Variants in PSMD1 observed in about 807,000 individuals in gnomAD.
PSMD1 encodes proteasome 26S subunit, non-ATPase 1, also known as 26S proteasome non-ATPase regulatory subunit 1.
A neutral mutation model predicts 119.0 loss-of-function variants in PSMD1; 18 were observed. That is an observed-to-expected ratio of 0.15 (90% CI 0.10 to 0.22). The LOEUF (loss-of-function observed/expected upper bound fraction) is 0.22, where lower values mean the gene tolerates loss of function less well. Ranked by LOEUF, PSMD1 falls within the 10% of genes least tolerant of loss-of-function variation. PSMD1 has a pLI of 1.00. For missense variants in PSMD1, 702 were observed against 1,158.5 expected (o/e 0.61, Z 5.72); for synonymous variants, 374 against 396.6 (o/e 0.94, Z 0.68).
chr2:231,092,906 A>C (rs1037120404), intron 16 of PSMD1, among the ~76,000 whole-genome samples: 18 of 152,242 alleles, frequency 1.2e-4, no homozygotes, highest in African/African-American at 4.3e-4. Flanking sequence ...GAGTTTGGGC[A>C]GGTACACAGT....
chr2:231,106,417 A>C (rs1473678579), intron 16 of PSMD1, among the ~76,000 whole-genome samples: 1 of 152,146 alleles, frequency 6.6e-6, no homozygotes, highest in African/African-American at 2.4e-5. Context: ...CCAGGAGTGG[A>C]GACCAGGCTG....
chr2:231,141,995 G>A (rs568623230), intron 17 of PSMD1, among the ~76,000 whole-genome samples: 1 of 152,230 alleles, frequency 6.6e-6, no homozygotes, highest in Non-Finnish European at 1.5e-5. Flanking sequence ...CGATTCTCCT[G>A]CCTCAGCTTC....
intron 16 of PSMD1, chr2:231,114,046 C>T: frequency 1.3e-6 from 1 of 774,812 alleles, no homozygotes; most frequent in Admixed American, 2.0e-5. Context: ...AATTTTATAA[C>T]TTTAACAACA....
At chr2:231,130,413 A>G (rs1001021329) in intron 16 of PSMD1, among the ~76,000 whole-genome samples, 1 of 152,172 alleles carries the variant, frequency 6.6e-6, no homozygotes, top group African/African-American at 2.4e-5. Context: ...AATAAAGTCC[A>G]GTGTTTTTCC....
intron 17 of PSMD1, among the ~76,000 whole-genome samples, chr2:231,139,973 CAT>C (rs774266246): frequency 1.8e-4 from 28 of 152,194 alleles, no homozygotes; most frequent in Non-Finnish European, 3.4e-4. Context: ...TCTCATAGCA[CAT>C]ATGCACAAAC....
intron 1 of PSMD1, among the ~76,000 whole-genome samples, chr2:231,059,282 T>C (rs1461593646): frequency 6.6e-6 from 1 of 152,230 alleles, no homozygotes; most frequent in African/African-American, 2.4e-5. Context: ...TCCAAATCTT[T>C]TGTCACTTTG....
chr2:231,154,066 T>C (rs1696427712), intron 19 of PSMD1, among the ~76,000 whole-genome samples: 1 of 151,372 alleles, frequency 6.6e-6, no homozygotes, highest in African/African-American at 2.4e-5. Flanking sequence ...TGAGTCGAGA[T>C]CGCGCCATTG....
chr2:231,132,093 G>A (rs957024112), intron 16 of PSMD1, among the ~76,000 whole-genome samples: 10 of 152,076 alleles, frequency 6.6e-5, no homozygotes, highest in Non-Finnish European at 1.3e-4. Context: ...TATGTTCTCA[G>A]GCAAAATTTT....
chr2:231,161,390 A>G lies in PSMD1; in HGVS notation c.2269A>G (p.Met757Val). The change falls in exon 20 of 25, where the codon ATG becomes GTG. Residue 757 changes from methionine (M) to valine (V), a missense_variant. Physicochemically the swap from Met to Val is conservative, Grantham distance 21 (BLOSUM62 1). Around this residue, in one of 9 missense-constraint regions of PSMD1, gnomAD observed 152 missense variants for 239.3 expected, o/e 0.64. Coordinates refer to ENST00000308696, the MANE Select transcript of PSMD1 (RefSeq NM_002807.4). Reference protein sequence around the residue: ...SLQSRTGHTHMPSVVGVLVFT... With the variant: ...SLQSRTGHTHVPSVVGVLVFT... ...GCAGTCCAGGACTGGGCATACTCAT[A>G]TGCCTTCTGTGGTTGGCGTCCTTGT... is the stretch of plus-strand genomic sequence containing the variant. The G allele has an allele frequency of 6.2e-7, 1 of 1,613,890 alleles. No homozygotes were observed. Among genetic ancestry groups the G allele is most frequent in the African/African-American group, 1.3e-5 (1 of 75,020 alleles).
intron 17 of PSMD1, 141 bp downstream of exon 17, chr2:231,138,991 C>G: frequency 1.4e-6 from 1 of 730,656 alleles, no homozygotes; most frequent in Non-Finnish European, 2.5e-6. Flanking sequence ...CTTCCCAGTA[C>G]TCCCTCATTC....
rs554886742 is a variant in PSMD1, at chr2:231,115,463, A to G, written c.1884-23273A>G. Among the ~76,000 whole-genome samples the G allele has an allele frequency of 2.6e-3, 393 of 152,296 alleles. 2 individuals are homozygous for G. The highest frequency in any genetic ancestry group is 4.1e-3 in the Non-Finnish European group (281 of 68,000). ...AAAATCAGCACAAACTTTTACTCAG[A>G]AAGAATAAATGATTGGGACTTAGTT... On this transcript the variant is annotated intron_variant, in intron 16 of 24. Coordinates refer to ENST00000308696, the MANE Select transcript of PSMD1 (RefSeq NM_002807.4).
Position 231,078,887 on chromosome 2 carries a change from T to C in PSMD1, c.1160+140T>C, listed in dbSNP as rs1239959777. On this transcript the variant is annotated intron_variant, in intron 10 of 24. Transcript: ENST00000308696. The stretch of plus-strand genomic sequence containing the variant: ...TCGGCTCACTGCAACTTCCATCTCC[T>C]GGGTTCAGGCGATTCTCCTGCCTCA... The C allele has an allele frequency of 4.3e-5, 24 of 560,942 alleles. No homozygotes were observed. The East Asian group carries it at 8.1e-4, about 19-fold the overall frequency. 34.7% of individuals were successfully genotyped at this position (560,942 alleles called of 1,614,324 possible). A position where few individuals can be genotyped will look rare whatever the true frequency, so the allele number is the denominator to read the frequency against.
chr2:231,158,002 C>T (rs1696552521), intron 19 of PSMD1, among the ~76,000 whole-genome samples: 1 of 152,008 alleles, frequency 6.6e-6, no homozygotes, highest in South Asian at 2.1e-4. Flanking sequence ...CAGTCTTGAT[C>T]TTCTCTCAGT....
At chr2:231,164,783 G>A (rs79444080) in intron 21 of PSMD1, among the ~76,000 whole-genome samples, 3,366 of 151,790 alleles carry the variant, frequency 0.022, 137 homozygotes, top group African/African-American at 0.077. Flanking sequence ...TCTACAACCA[G>A]CGCTGAAGGA....
intron 6 of PSMD1, among the ~76,000 whole-genome samples, 156 bp from the exon 7 acceptor site, chr2:231,072,033 T>C (rs1448060810): frequency 6.6e-6 from 1 of 152,248 alleles, no homozygotes; most frequent in Non-Finnish European, 1.5e-5. Context: ...TTTCATCTAG[T>C]GCTGGGTTTA....
At position 231,056,960 on chromosome 2, in the gene PSMD1, G is replaced by A; in HGVS notation, c.-66G>A. On this transcript the variant is annotated 5_prime_UTR_variant, in exon 1 of 25. Transcript: ENST00000308696. The stretch of plus-strand genomic sequence containing the variant: ...AGGCGCGGTGAACTGAGCGGCCCCT[G>A]AGCTGACAGATACACTGCGCAGCTG... 6.5e-7 allele frequency: 1 copy of A among 1,537,330 alleles called. No individual in the cohort carries two copies. The highest frequency in any genetic ancestry group is 8.7e-7 in the Non-Finnish European group (1 of 1,142,864).
At chr2:231,150,305 C>G (rs1463536972) in intron 18 of PSMD1, among the ~76,000 whole-genome samples, 1 of 151,644 alleles carries the variant, frequency 6.6e-6, no homozygotes, top group Non-Finnish European at 1.5e-5. Flanking sequence ...CGAGATCACA[C>G]CACTGCACTC....
At chr2:231,150,047 A>T (rs1010737323) in intron 18 of PSMD1, among the ~76,000 whole-genome samples, 6 of 152,130 alleles carry the variant, frequency 3.9e-5, no homozygotes, top group South Asian at 2.1e-4. Flanking sequence ...GGAACTAGCC[A>T]TAAAAAAAAT....
Position 231,147,983 on chromosome 2 carries a change from T to G in PSMD1, c.2115+1627T>G, listed in dbSNP as rs547198975. Among the ~76,000 whole-genome samples, 25 of 152,326 alleles carry G rather than the reference T, an allele frequency of 1.6e-4. No homozygotes were observed. In the South Asian group the frequency reaches 5.2e-3, roughly 32 times the overall value. ...TTGCTGTCATCTTTGCTTCATTTAT[T>G]TAGTGCTTCTATTTCTGTCTCAAAA... On this transcript the variant is annotated intron_variant, in intron 18 of 24. Coordinates refer to ENST00000308696, the MANE Select transcript of PSMD1 (RefSeq NM_002807.4).
Sources: gnomAD v4.1 joint callset for allele counts (sites outside exome capture counted in the v4.1 genomes callset) on GRCh38, gnomAD v4.1.1 for gene constraint, gnomAD v4.1.1 regional missense constraint, MANE v1.5 for transcripts, NCBI Gene and HGNC (gene_info 2026-07-23, HGNC 2026-07-21) for gene names.